Variants in PDE6G observed in about 807,000 individuals in gnomAD.
PDE6G encodes the protein phosphodiesterase 6G, also known as rod cGMP 3',5'-cyclic phosphodiesterase subunit gamma.
In PDE6G, 10 loss-of-function variants were observed where a neutral mutation model predicts 10.9. The ratio of observed to expected loss-of-function variants is 0.91; its 90% CI spans 0.56 to 1.55. PDE6G has a LOEUF of 1.55. Among genes scored for constraint, PDE6G ranks in the 40% most tolerant of loss-of-function variants. The pLI is 0.00. For missense variants in PDE6G, 102 were observed against 110.1 expected (o/e 0.93, Z 0.33); for synonymous variants, 41 against 42.8 (o/e 0.96, Z 0.16).
Position 81,653,069 on chromosome 17 carries a change from T to G in PDE6G, c.146+91A>C. On this transcript the variant is annotated intron_variant, in intron 2 of 3. Transcript: ENST00000331056. This position sits in a 1 kb window ranked among gnomAD's most constrained non-coding sequence, Gnocchi z 5.2. ...GGCTGGGACCACTCACCCAGTGAAG[T>G]GGCCCCAGGCTCTGCCCCGCCCTCC... The G allele has an allele frequency of 6.9e-7, 1 of 1,452,206 alleles. No individual in the cohort carries two copies. Among genetic ancestry groups the G allele is most frequent in the Non-Finnish European group, 9.7e-7 (1 of 1,034,194 alleles). The allele number at this position is 1,452,206 out of a possible 1,614,324, so 90.0% of individuals were successfully genotyped here.
At chr17:81,658,401 T>C (rs1264788048), upstream of PDE6G, among the ~76,000 whole-genome samples, 1 of 148,460 alleles carries the variant, frequency 6.7e-6, no homozygotes, top group Non-Finnish European at 1.5e-5. Flanking sequence ...CTCACTTCTA[T>C]AGACCCAGCT....
intron 1 of PDE6G, among the ~76,000 whole-genome samples, chr17:81,662,823 C>T (rs993180027): frequency 2.6e-5 from 4 of 151,800 alleles, no homozygotes; most frequent in East Asian, 1.9e-4. Context: ...TATGGCGAAA[C>T]CCCGTCTCTA....
upstream of PDE6G, among the ~76,000 whole-genome samples, chr17:81,660,104 A>C (rs930656826): frequency 1.3e-5 from 2 of 151,978 alleles, no homozygotes; most frequent in African/African-American, 4.8e-5. Context: ...AAAAGAAAAA[A>C]AGAAAAGAAA....
chr17:81,652,429 A>T (rs7406904), intron 2 of PDE6G, among the ~76,000 whole-genome samples: 1,528 of 151,964 alleles, frequency 0.01, 64 homozygotes, highest in East Asian at 0.075. Flanking sequence ...GGCGCCCGCC[A>T]CCACGCCCGG....
upstream of PDE6G, among the ~76,000 whole-genome samples, chr17:81,660,984 T>A (rs1355903914): frequency 4.6e-5 from 7 of 152,200 alleles, no homozygotes. Flanking sequence ...AGTGAGGCAA[T>A]CATGACTTAC....
upstream of PDE6G, among the ~76,000 whole-genome samples, chr17:81,659,460 G>A (rs533331289): frequency 7.2e-5 from 11 of 151,946 alleles, no homozygotes; most frequent in African/African-American, 2.7e-4. Context: ...TTAGTGGGGC[G>A]TGGTGGCGGG....
chr17:81,654,752 CTT>C (rs60676628), intron 1 of PDE6G, among the ~76,000 whole-genome samples: 18 of 138,472 alleles, frequency 1.3e-4, no homozygotes, highest in Middle Eastern at 4.0e-3. Flanking sequence ...GGAATCTCAC[CTT>C]TTTTTTTTTT....
chr17:81,652,893 C>CAGGGATTACAGACG (rs2036384560), intron 2 of PDE6G, among the ~76,000 whole-genome samples: 1 of 148,688 alleles, frequency 6.7e-6, no homozygotes, highest in African/African-American at 2.5e-5. Flanking sequence ...TCCCAAAGCG[C>CAGGGATTACAGACG]TGAGCCACCG....
intron 1 of PDE6G, 56 bp downstream of exon 1, chr17:81,656,437 T>C (rs2036447290): frequency 1.4e-6 from 1 of 728,122 alleles, no homozygotes; most frequent in Non-Finnish European, 2.5e-6. Context: ...AGACCCCCAC[T>C]GACTCACTGG....
In PDE6G at chr17:81,653,568, T is replaced by C. The variant is rs915938053; in HGVS notation, c.-59-204A>G. The C allele has an allele frequency of 1.9e-6, 1 of 529,652 alleles. No homozygotes were observed. The highest frequency in any genetic ancestry group is 3.3e-5 in the East Asian group (1 of 30,202). The allele number at this position is 529,652 out of a possible 1,614,324, so 32.8% of individuals were successfully genotyped here. ...GCACGCTCCCATTCCCCTTGCCTAGTGGATGCCCCCCTGCAACGCTGGCCA... is the reference window on the plus strand; with the variant it reads ...GCACGCTCCCATTCCCCTTGCCTAGCGGATGCCCCCCTGCAACGCTGGCCA... On this transcript the variant is annotated intron_variant, in intron 1 of 3. Coordinates refer to ENST00000331056, the MANE Select transcript of PDE6G (RefSeq NM_002602.4). The surrounding 1 kb of genome is among the most constrained non-coding windows in gnomAD (Gnocchi z 5.2).
chr17:81,659,029 A>G (rs879631147), upstream of PDE6G, among the ~76,000 whole-genome samples: 7 of 152,112 alleles, frequency 4.6e-5, no homozygotes, highest in Non-Finnish European at 1.0e-4. Flanking sequence ...AAAAATCACT[A>G]GTCCAGAAAG....
At chr17:81,661,085 G>A (rs115932631), upstream of PDE6G, among the ~76,000 whole-genome samples, 2,391 of 152,268 alleles carry the variant, frequency 0.016, 76 homozygotes, top group African/African-American at 0.055. Context: ...GCCCAGCTAA[G>A]TTTTTAAAAA....
Position 81,651,968 on chromosome 17 carries a change from C to T in PDE6G, c.147-283G>A, listed in dbSNP as rs185585153. Among the ~76,000 whole-genome samples, 99 of 152,160 alleles carry T rather than the reference C, an allele frequency of 6.5e-4. No individual in the cohort carries two copies. Among genetic ancestry groups the T allele is most frequent in the Non-Finnish European group, 1.1e-3 (74 of 67,976 alleles). ...GGCAGGTGCGTGCCCTGGGGGAGTA[C>T]GGGGGGGTGCGTGGTTGGTGCATGG... is the stretch of plus-strand genomic sequence containing the variant. On this transcript the variant is annotated intron_variant, in intron 2 of 3. Transcript: ENST00000331056. This position sits in a 1 kb window ranked among gnomAD's most constrained non-coding sequence, Gnocchi z 4.8.
chr17:81,659,555 C>T (rs2036490913), upstream of PDE6G, among the ~76,000 whole-genome samples: 1 of 151,408 alleles, frequency 6.6e-6, no homozygotes, highest in African/African-American at 2.4e-5. Flanking sequence ...GCTGAGATGG[C>T]GCCACTGCAC....
At chr17:81,660,071 G>A (rs1211913826), upstream of PDE6G, among the ~76,000 whole-genome samples, 4 of 151,794 alleles carry the variant, frequency 2.6e-5, no homozygotes, top group Non-Finnish European at 4.4e-5. Context: ...GGCAACAAGA[G>A]CGAAACTTCA....
chr17:81,659,174 G>A (rs1021677938), upstream of PDE6G, among the ~76,000 whole-genome samples: 2 of 33,458 alleles, frequency 6.0e-5, no homozygotes, highest in African/African-American at 2.4e-4. Context: ...TTTTTTTTTT[G>A]AGAGACAGGA....
upstream of PDE6G, among the ~76,000 whole-genome samples, chr17:81,657,399 C>T (rs1416991354): frequency 6.6e-6 from 1 of 152,210 alleles, no homozygotes; most frequent in African/African-American, 2.4e-5. Context: ...AGCTAACATT[C>T]TTTCCTGCGG....
At chr17:81,658,364 G>A (rs1381555073), upstream of PDE6G, among the ~76,000 whole-genome samples, 1 of 150,544 alleles carries the variant, frequency 6.6e-6, no homozygotes, top group African/African-American at 2.4e-5. Context: ...GATTACAGGT[G>A]TGAGCCACCG....
rs1568192871 is a variant in PDE6G at position 81,662,483 on chromosome 17, CGCTGTGG to C, written c.-60+569_-60+575del. Among the ~76,000 whole-genome samples the C allele has an allele frequency of 2.0e-5, 3 of 151,988 alleles. No individual in the cohort carries two copies. In the East Asian group the frequency reaches 5.8e-4, roughly 29 times the overall value. On this transcript the variant is annotated intron_variant, in intron 1 of 3. Coordinates refer to the PDE6G transcript ENST00000571224. The stretch of plus-strand genomic sequence containing the variant: ...ACTAAAAATATAAAAATTAGCCAGA[CGCTGTGG>C]GGCACGCCTGTAGTCCCAGCTACTT...
Sources: gnomAD v4.1 joint callset for allele counts (sites outside exome capture counted in the v4.1 genomes callset) on GRCh38, gnomAD v4.1.1 for gene constraint, Gnocchi (gnomAD v3.1) non-coding constraint, MANE v1.5 for transcripts, NCBI Gene and HGNC (gene_info 2026-07-23, HGNC 2026-07-21) for gene names.